The following F8 variants were observed in gnomAD, a reference collection of about 807,000 sequenced individuals.
F8 encodes antihemophilic factor.
A neutral mutation model predicts 140.6 loss-of-function variants in F8; 12 were observed. The ratio of observed to expected loss-of-function variants is 0.09; its 90% CI spans 0.05 to 0.14. The LOEUF is 0.14. Among genes scored for constraint, F8 ranks in the 10% least tolerant of loss-of-function variants. F8 has a pLI of 1.00. For missense variants in F8, 1,354 were observed against 1,720.7 expected (o/e 0.79, Z 3.77); for synonymous variants, 585 against 614.6 (o/e 0.95, Z 0.71).
At chrX:154,967,126 C>A (rs1164905370) in intron 7 of F8, among the ~76,000 whole-genome samples, 1 of 111,485 alleles carries the variant, frequency 9.0e-6, no homozygotes, top group Non-Finnish European at 1.9e-5. Context: ...TTCTTTCTCT[C>A]TTATTAGGCC....
At chrX:154,935,132 C>T (rs2073216683) in intron 13 of F8, among the ~76,000 whole-genome samples, 1 of 110,546 alleles carries the variant, frequency 9.0e-6, no homozygotes. Flanking sequence ...ACTTACTCCA[C>T]CCTGGGCAAC....
At chrX:155,017,557 A>G (rs1480050939) in intron 1 of F8, among the ~76,000 whole-genome samples, 1 of 112,841 alleles carries the variant, frequency 8.9e-6, no homozygotes, top group African/African-American at 3.2e-5. Context: ...TCTGAAAAAA[A>G]TGAAAAGAAA....
At chrX:154,953,708 T>C (rs2073348873) in intron 12 of F8, among the ~76,000 whole-genome samples, 184 bp downstream of exon 12, 1 of 111,899 alleles carries the variant, frequency 8.9e-6, no homozygotes, top group Non-Finnish European at 1.9e-5. Context: ...GAAAAAATGG[T>C]GACTGGATTT....
At chrX:154,991,220 C>T (rs942419972) in intron 4 of F8, among the ~76,000 whole-genome samples, 14 of 112,137 alleles carry the variant, frequency 1.2e-4, no homozygotes, top group Admixed American at 3.8e-4. Flanking sequence ...CCCACGCTCT[C>T]TGAGCATTTA....
chrX:154,852,172 C>A (rs960929568), intron 25 of F8, among the ~76,000 whole-genome samples: 1 of 111,357 alleles, frequency 9.0e-6, no homozygotes, highest in Admixed American at 9.6e-5. Flanking sequence ...TGGGCTCAAG[C>A]GATCCTCCTA....
intron 25 of F8, among the ~76,000 whole-genome samples, chrX:154,847,257 G>A (rs1443144911): frequency 1.4e-4 from 15 of 110,879 alleles, no homozygotes; most frequent in African/African-American, 4.6e-4. Flanking sequence ...TGACAGTTAT[G>A]TGTCTTGGAG....
At position 154,847,537 on chromosome X, in the gene F8, T is replaced by C. The variant is rs782684047; in HGVS notation, c.6901-9785A>G. On this transcript the variant is annotated intron_variant, in intron 25 of 25. Transcript: ENST00000360256. The stretch of plus-strand genomic sequence containing the variant: ...TTCTCGCTTCATTTCATTCATTTGA[T>C]CTTCAATCACTGATACCCTTTCTTC... 6.0e-4 allele frequency among the ~76,000 whole-genome samples: 67 copies of C among 112,572 alleles called. 1 individual carries two copies. In the South Asian group the frequency reaches 0.022, roughly 37 times the overall value.
At chrX:154,894,428 C>T (rs923650835) in intron 22 of F8, among the ~76,000 whole-genome samples, 4 of 107,043 alleles carry the variant, frequency 3.7e-5, no homozygotes, top group East Asian at 5.7e-4. Context: ...CCTAAAATGA[C>T]GTGTAAGAAG....
intron 22 of F8, among the ~76,000 whole-genome samples, chrX:154,867,387 A>G (rs782758246): frequency 1.8e-5 from 2 of 111,377 alleles, no homozygotes; most frequent in South Asian, 7.5e-4. Flanking sequence ...AACACTAGAA[A>G]AGAAAACTAC....
intron 11 of F8, among the ~76,000 whole-genome samples, chrX:154,955,165 CTTTTTTTTTTT>C (rs1185466045): frequency 5.5e-5 from 2 of 36,061 alleles, no homozygotes; most frequent in African/African-American, 1.2e-4. Flanking sequence ...ATTTATTAAG[CTTTTTTTTTTT>C]TTTTTTTTTT....
At chrX:154,937,974 C>T (rs782476377) in intron 13 of F8, among the ~76,000 whole-genome samples, 6 of 111,309 alleles carry the variant, frequency 5.4e-5, no homozygotes, top group Non-Finnish European at 1.1e-4. Context: ...AGGAATTATA[C>T]TAACAAATAT....
At chrX:154,875,813 G>A (rs1214262527) in intron 22 of F8, among the ~76,000 whole-genome samples, 1 of 109,187 alleles carries the variant, frequency 9.2e-6, no homozygotes, top group African/African-American at 3.3e-5. Flanking sequence ...ATTAATGAAT[G>A]ATCCCACTGT....
chrX:154,911,454 A>G (rs1335584787), intron 14 of F8, among the ~76,000 whole-genome samples: 1 of 110,393 alleles, frequency 9.1e-6, no homozygotes, highest in Non-Finnish European at 1.9e-5. Flanking sequence ...TGAAAACGTG[A>G]TATTTGTCTT....
At chrX:154,911,691 C>T (rs1557276775) in intron 14 of F8, among the ~76,000 whole-genome samples, 5 of 111,830 alleles carry the variant, frequency 4.5e-5, no homozygotes, top group African/African-American at 1.3e-4. Context: ...CTCTTTGATA[C>T]ACTGATTTCC....
At chrX:154,849,191 T>C (rs1261770560) in intron 25 of F8, among the ~76,000 whole-genome samples, 3 of 109,929 alleles carry the variant, frequency 2.7e-5, no homozygotes, top group Non-Finnish European at 5.7e-5. Context: ...TTAGCCAGGA[T>C]GGTCTCAATT....
At chrX:154,892,037 A>G (rs1463872479) in intron 22 of F8, among the ~76,000 whole-genome samples, 3 of 111,532 alleles carry the variant, frequency 2.7e-5, no homozygotes, top group South Asian at 7.5e-4. Flanking sequence ...GAGGTTTGCA[A>G]TTCTCAGCCT....
At chrX:154,845,645 T>A (rs2072559714) in intron 25 of F8, among the ~76,000 whole-genome samples, 1 of 112,168 alleles carries the variant, frequency 8.9e-6, no homozygotes, top group Non-Finnish European at 1.9e-5. Context: ...GATATCCCCT[T>A]TATCATTTTT....
intron 9 of F8, 98 bp from the exon 10 acceptor site, chrX:154,961,266 C>G (rs782646344): frequency 9.3e-6 from 5 of 537,735 alleles, no homozygotes; most frequent in Non-Finnish European, 1.6e-5. Flanking sequence ...TGGCCTCTAT[C>G]TACATTATAG....
Position 154,965,661 on chromosome X carries a change from A to C in F8, c.1443+309T>G, listed in dbSNP as rs1380396281. The C allele has an allele frequency of 6.0e-5, 15 of 250,651 alleles. No individual in the cohort carries two copies. The East Asian group carries it at 1.3e-3, about 21-fold the overall frequency. The allele number at this position is 250,651 out of a possible 1,213,427, so 20.7% of individuals were successfully genotyped here. ...ACTGTTCAAAAGCAGGCCACAAGCC[A>C]AATTTGGTTCACAGGCCATAGTCTG... On this transcript the variant is annotated intron_variant, in intron 9 of 25. Coordinates refer to ENST00000360256, the MANE Select transcript of F8 (RefSeq NM_000132.4).
Sources: gnomAD v4.1 joint callset for allele counts (sites outside exome capture counted in the v4.1 genomes callset) on GRCh38, gnomAD v4.1.1 for gene constraint, MANE v1.5 for transcripts, NCBI Gene and HGNC (gene_info 2026-07-23, HGNC 2026-07-21) for gene names.